Variants in ADAMTS17 observed in about 807,000 individuals in gnomAD.
ADAMTS17 encodes ADAM metallopeptidase with thrombospondin type 1 motif 17.
ADAMTS17 carries 113 observed loss-of-function variants against 141.5 expected under a neutral mutation model. That is an observed-to-expected ratio of 0.80 (90% CI 0.69 to 0.93). The LOEUF is 0.93. ADAMTS17 is among the 40% of genes least tolerant of loss of function. The pLI, the probability that ADAMTS17 is intolerant of heterozygous loss-of-function variation, is 0.00. For synonymous variants in ADAMTS17, 768 were observed against 630.6 expected (o/e 1.22, Z -3.27); for missense variants, 1,659 against 1,517.9 (o/e 1.09, Z -1.54).
chr15:100,246,317 C>T (rs1752104106), intron 7 of ADAMTS17, among the ~76,000 whole-genome samples: 1 of 152,140 alleles, frequency 6.6e-6, no homozygotes, highest in Admixed American at 6.5e-5. Flanking sequence ...AGCAGATGGT[C>T]TATTTTTTAA....
chr15:100,268,807 G>A (rs12439005), intron 4 of ADAMTS17, among the ~76,000 whole-genome samples: 100,979 of 151,214 alleles, frequency 0.67, 34,116 homozygotes, highest in East Asian at 0.91. Flanking sequence ...ACCAAAAAAG[G>A]GGCAGAACAG....
intron 15 of ADAMTS17, 78 bp downstream of exon 15, chr15:100,096,278 G>C: frequency 1.2e-6 from 2 of 1,601,232 alleles, no homozygotes; most frequent in Non-Finnish European, 1.7e-6. Flanking sequence ...ATGAAATGTA[G>C]GGAAGACTGC....
intron 2 of ADAMTS17, among the ~76,000 whole-genome samples, chr15:100,336,159 C>T (rs922512400): frequency 1.3e-5 from 2 of 152,226 alleles, no homozygotes; most frequent in Non-Finnish European, 2.9e-5. Flanking sequence ...GAAAATCTAA[C>T]GTGTGTCCTA....
chr15:100,340,988 C>G, intron 2 of ADAMTS17, 51 bp downstream of exon 2: 1 of 1,521,828 alleles, frequency 6.6e-7, no homozygotes. Context: ...GGCGACCACT[C>G]TGCGTCGCAA....
At chr15:100,006,445 G>A (rs1324562498) in intron 18 of ADAMTS17, among the ~76,000 whole-genome samples, 1 of 152,204 alleles carries the variant, frequency 6.6e-6, no homozygotes, top group Non-Finnish European at 1.5e-5. Flanking sequence ...TGATGTGACA[G>A]TTGTTGCAAA....
In ADAMTS17 at chr15:100,249,698, A is replaced by G. The variant is rs949345410; in HGVS notation, c.1075+4438T>C. On this transcript the variant is annotated intron_variant, in intron 7 of 21. Transcript: ENST00000268070. The stretch of plus-strand genomic sequence containing the variant: ...AGTAGGTGCCCTTGGCTCATTCCTC[A>G]CAATCAGAAATGCAGACTGGGCAGT... Among the ~76,000 whole-genome samples, 33 of 152,242 alleles carry G rather than the reference A, an allele frequency of 2.2e-4. 1 individual carries two copies. Among genetic ancestry groups the G allele is most frequent in the African/African-American group, 7.0e-4 (29 of 41,554 alleles).
intron 10 of ADAMTS17, among the ~76,000 whole-genome samples, chr15:100,140,488 C>CATATATACATATATATATATATAT (rs2038579155): frequency 8.0e-6 from 1 of 124,936 alleles, no homozygotes; most frequent in Non-Finnish European, 1.8e-5. Flanking sequence ...CACATACATA[C>CATATATACATATATATATATATAT]ATATATATAT....
intron 3 of ADAMTS17, among the ~76,000 whole-genome samples, chr15:100,294,916 G>T (rs2044757876): frequency 6.6e-6 from 1 of 152,226 alleles, no homozygotes; most frequent in South Asian, 2.1e-4. Flanking sequence ...GGGAAGCAGA[G>T]TGCATGAGTC....
chr15:100,052,836 C>T (rs935824807), intron 16 of ADAMTS17, among the ~76,000 whole-genome samples: 2 of 152,232 alleles, frequency 1.3e-5, no homozygotes, highest in African/African-American at 4.8e-5. Context: ...CAGATTTCTA[C>T]ATGGTTTGGT....
chr15:100,288,682 G>A (rs1338166625), intron 3 of ADAMTS17, among the ~76,000 whole-genome samples: 1 of 152,134 alleles, frequency 6.6e-6, no homozygotes, highest in Admixed American at 6.6e-5. Context: ...TCAGAACAGT[G>A]CAATAAAAAT....
chr15:100,199,496 G>A, intron 7 of ADAMTS17, 73 bp from the exon 8 acceptor site: 1 of 1,252,064 alleles, frequency 8.0e-7, no homozygotes, highest in Non-Finnish European at 1.2e-6. Context: ...AGTCCGCACG[G>A]TCAACGTCAT....
rs72768102 is a variant in ADAMTS17, at chr15:100,108,805, A to T, written c.2016+184T>A. Among the ~76,000 whole-genome samples the T allele has an allele frequency of 0.068, 10,313 of 152,200 alleles. 398 individuals carry two copies. The highest frequency in any genetic ancestry group is 0.11 in the South Asian group (521 of 4,822). ...CTCCTTGTTGGCCTAGCACTCAGTC[A>T]TTACTGAGCTAGGGTTGGTGCACCA... On this transcript the variant is annotated intron_variant, in intron 14 of 21. Coordinates refer to ENST00000268070, the MANE Select transcript of ADAMTS17 (RefSeq NM_139057.4).
At chr15:100,208,460 T>C (rs1218635431) in intron 7 of ADAMTS17, among the ~76,000 whole-genome samples, 1 of 152,186 alleles carries the variant, frequency 6.6e-6, no homozygotes, top group Admixed American at 6.5e-5. Flanking sequence ...GACTCTACTG[T>C]TTGACCAGGA....
At position 100,199,512 on chromosome 15, in the gene ADAMTS17, A is replaced by G. The variant is rs115133442; in HGVS notation, c.1076-89T>C. On this transcript the variant is annotated intron_variant, in intron 7 of 21. Transcript: ENST00000268070. The stretch of plus-strand genomic sequence containing the variant: ...GTCCGCACGGTCAACGTCATGCACA[A>G]TCAAGGCAGGCACACGGCAACAATG... 1,538 of 1,073,642 alleles carry G rather than the reference A, an allele frequency of 1.4e-3. 17 individuals are homozygous for G. The African/African-American group carries it at 0.021, about 15-fold the overall frequency. 66.5% of individuals were successfully genotyped at this position (1,073,642 alleles called of 1,614,324 possible). A position where few individuals can be genotyped will look rare whatever the true frequency, so the allele number is the denominator to read the frequency against.
chr15:100,199,138 G>A (rs558896979), intron 8 of ADAMTS17, among the ~76,000 whole-genome samples, 180 bp downstream of exon 8: 3 of 152,318 alleles, frequency 2.0e-5, no homozygotes, highest in African/African-American at 7.2e-5. Context: ...AAGCCAATCG[G>A]TGCAGTCATC....
intron 10 of ADAMTS17, among the ~76,000 whole-genome samples, chr15:100,134,865 A>G (rs915481690): frequency 6.6e-6 from 1 of 152,184 alleles, no homozygotes; most frequent in African/African-American, 2.4e-5. Context: ...TGTTCCCATG[A>G]TTGTTCACCC....
intron 7 of ADAMTS17, among the ~76,000 whole-genome samples, chr15:100,246,234 C>T (rs192631232): frequency 5.3e-5 from 8 of 152,122 alleles, no homozygotes; most frequent in Admixed American, 2.0e-4. Flanking sequence ...CTCAATCAGC[C>T]GAGAAATCCA....
intron 15 of ADAMTS17, among the ~76,000 whole-genome samples, chr15:100,068,841 C>T (rs545470665): frequency 3.5e-4 from 54 of 152,292 alleles, no homozygotes; most frequent in African/African-American, 1.2e-3. Flanking sequence ...AAAATCAGAG[C>T]ACCTCTCCTC....
chr15:100,191,077 CTGCTGGAAGA>C (rs2040899532), intron 8 of ADAMTS17, among the ~76,000 whole-genome samples: 1 of 152,264 alleles, frequency 6.6e-6, no homozygotes, highest in African/African-American at 2.4e-5. Context: ...TCTCAGCTAA[CTGCTGGAAGA>C]GTCTGGAAGT....
Sources: gnomAD v4.1 joint callset for allele counts (sites outside exome capture counted in the v4.1 genomes callset) on GRCh38, gnomAD v4.1.1 for gene constraint, MANE v1.5 for transcripts, NCBI Gene and HGNC (gene_info 2026-07-23, HGNC 2026-07-21) for gene names.